The following DNAAF4 variants were observed in gnomAD, a reference collection of about 807,000 sequenced individuals.
DNAAF4 encodes the protein dynein axonemal assembly factor 4.
In DNAAF4, 43 loss-of-function variants were observed where a neutral mutation model predicts 51.8. That is an observed-to-expected ratio of 0.83 (90% CI 0.65 to 1.07). The LOEUF (loss-of-function observed/expected upper bound fraction) is 1.07, where lower values mean the gene tolerates loss of function less well. Among genes scored for constraint, DNAAF4 ranks in the 50% least tolerant of loss-of-function variants. The pLI, the probability that DNAAF4 is intolerant of heterozygous loss-of-function variation, is 0.00. For missense variants in DNAAF4, 581 were observed against 493.0 expected, an observed-to-expected ratio of 1.18 and a Z score of -1.69; for synonymous variants, 194 against 165.6, an observed-to-expected ratio of 1.17 and a Z score of -1.32.
At chr15:55,492,791 G>T (rs2058592521) in intron 3 of DNAAF4, among the ~76,000 whole-genome samples, 1 of 152,118 alleles carries the variant, frequency 6.6e-6, no homozygotes, top group Non-Finnish European at 1.5e-5. Flanking sequence ...GCCTGCCTTG[G>T]CCTCCGAAAG....
chr15:55,490,267 GA>G (rs1835270276), intron 4 of DNAAF4, among the ~76,000 whole-genome samples: 1 of 152,128 alleles, frequency 6.6e-6, no homozygotes. Context: ...AGTGTTAGGG[GA>G]AATGGGGAGT....
intron 1 of DNAAF4, among the ~76,000 whole-genome samples, chr15:55,502,063 AGTG>A (rs1009887875): frequency 6.6e-6 from 1 of 152,042 alleles, no homozygotes; most frequent in African/African-American, 2.4e-5. Context: ...AAAAAAAAGA[AGTG>A]GTGCTCACCA....
chr15:55,471,062 T>A (rs2058248410), intron 4 of DNAAF4, among the ~76,000 whole-genome samples: 1 of 151,870 alleles, frequency 6.6e-6, no homozygotes, highest in African/African-American at 2.4e-5. Context: ...TCACTATCTA[T>A]GTTGCCCAGG....
chr15:55,451,547 T>C (rs1196034661), intron 5 of DNAAF4, among the ~76,000 whole-genome samples: 2 of 152,010 alleles, frequency 1.3e-5, no homozygotes, highest in South Asian at 4.1e-4. Context: ...AGTGGGGAAT[T>C]TGAGAGCAAA....
intron 5 of DNAAF4, among the ~76,000 whole-genome samples, chr15:55,461,326 G>C (rs565879716): frequency 6.6e-6 from 1 of 151,550 alleles, no homozygotes; most frequent in Admixed American, 6.6e-5. Flanking sequence ...TCGATCTCCT[G>C]ACCTCGTGAT....
chr15:55,419,871 G>A lies in DNAAF4; in HGVS notation c.1048-1738C>T, dbSNP rs1020991268. Among the ~76,000 whole-genome samples, 133 of 152,032 alleles carry A rather than the reference G, an allele frequency of 8.7e-4. 2 individuals carry two copies. Among genetic ancestry groups the A allele is most frequent in the African/African-American group, 3.1e-3 (129 of 41,496 alleles). On this transcript the variant is annotated intron_variant, in intron 7 of 7. Transcript: ENST00000448430. ...AAAAAAATTAGCTGGGCATGGCGGC[G>A]GGTGCCTGTAATCCCAGCTACTTTG...
intron 4 of DNAAF4, among the ~76,000 whole-genome samples, chr15:55,467,384 C>G (rs758484831): frequency 6.6e-6 from 1 of 152,122 alleles, no homozygotes; most frequent in Non-Finnish European, 1.5e-5. Context: ...AGTCCCAGAT[C>G]TACCATTAGC....
chr15:55,418,974 G>C (rs919426141), intron 7 of DNAAF4, among the ~76,000 whole-genome samples: 4 of 145,226 alleles, frequency 2.8e-5, no homozygotes, highest in African/African-American at 1.0e-4. Flanking sequence ...GCCCAGGTTA[G>C]AGTGCAGTGG....
Position 55,418,658 on chromosome 15 carries a change from A to T in DNAAF4, c.1048-525T>A, listed in dbSNP as rs1045900271. ...GGGTAGAATACCTAATAAAGAAGAT[A>T]AAAAGTTTTGAATCAATTTTTAAAA... On this transcript the variant is annotated intron_variant, in intron 7 of 7. Transcript: ENST00000448430. The T allele has an allele frequency of 7.0e-5, 66 of 943,292 alleles. No homozygotes were observed. In the African/African-American group the frequency reaches 1.1e-3, roughly 15 times the overall value. 58.4% of individuals were successfully genotyped at this position (943,292 alleles called of 1,614,324 possible).
At chr15:55,482,892 T>C (rs979417603) in intron 4 of DNAAF4, among the ~76,000 whole-genome samples, 2 of 152,112 alleles carry the variant, frequency 1.3e-5, no homozygotes, top group Admixed American at 1.3e-4. Flanking sequence ...ACAATATGTA[T>C]AAGCCCTATA....
chr15:55,494,125 G>C (rs1278323661), intron 3 of DNAAF4, among the ~76,000 whole-genome samples: 1 of 151,638 alleles, frequency 6.6e-6, no homozygotes. Context: ...CGCCTCCCGG[G>C]TTAAAGTGAT....
chr15:55,421,187 CAA>C (rs35897132), intron 7 of DNAAF4, among the ~76,000 whole-genome samples: 24 of 110,230 alleles, frequency 2.2e-4, no homozygotes, highest in Admixed American at 2.1e-4. Flanking sequence ...GAGACTATCT[CAA>C]AAAAAAAAAA....
At chr15:55,431,165 G>A (rs993554866) in intron 9 of DNAAF4, among the ~76,000 whole-genome samples, 7 of 151,940 alleles carry the variant, frequency 4.6e-5, no homozygotes, top group Non-Finnish European at 1.0e-4. Flanking sequence ...CACCCACCTT[G>A]GCCTCCCAAA....
At chr15:55,498,061 C>A in intron 2 of DNAAF4, 146 bp downstream of exon 2, 2 of 1,411,964 alleles carry the variant, frequency 1.4e-6, no homozygotes, top group Non-Finnish European at 1.9e-6. Context: ...TGGTGTGTTA[C>A]CTGTATGGGA....
At chr15:55,447,882 G>GGTGAGAC in intron 6 of DNAAF4, among the ~76,000 whole-genome samples, 1 of 123,976 alleles carries the variant, frequency 8.1e-6, no homozygotes, top group Non-Finnish European at 1.9e-5. Flanking sequence ...AGAGGGGAGA[G>GGTGAGAC]GGGAGCCCCT....
At chr15:55,451,765 AC>A (rs763753262) in intron 5 of DNAAF4, among the ~76,000 whole-genome samples, 3 of 151,914 alleles carry the variant, frequency 2.0e-5, no homozygotes, top group Non-Finnish European at 4.4e-5. Flanking sequence ...GGTGCCCACC[AC>A]CATACATGGC....
chr15:55,448,138 C>G (rs1406262672), intron 6 of DNAAF4, among the ~76,000 whole-genome samples: 1 of 152,058 alleles, frequency 6.6e-6, no homozygotes, highest in Non-Finnish European at 1.5e-5. Context: ...TGAATTTTGT[C>G]AAAGGCCTTT....
intron 6 of DNAAF4, among the ~76,000 whole-genome samples, chr15:55,444,929 G>C (rs1416938177): frequency 6.6e-6 from 1 of 151,514 alleles, no homozygotes; most frequent in Admixed American, 6.6e-5. Flanking sequence ...TTGCTTATCA[G>C]CTTAAGGAGA....
intron 6 of DNAAF4, among the ~76,000 whole-genome samples, chr15:55,442,022 T>C (rs898621829): frequency 4.6e-5 from 7 of 152,244 alleles, no homozygotes; most frequent in Non-Finnish European, 1.0e-4. Flanking sequence ...TGCTTGGTTT[T>C]CTAGCATTTT....
Sources: allele counts gnomAD v4.1 joint callset (sites outside exome capture counted in the v4.1 genomes callset), GRCh38; gene constraint gnomAD v4.1.1; transcripts MANE v1.5; gene names NCBI Gene and HGNC (gene_info 2026-07-23, HGNC 2026-07-21).